The following ANTXR2 variants were observed in gnomAD, a reference collection of about 807,000 sequenced individuals.
The protein encoded by ANTXR2 is ANTXR cell adhesion molecule 2.
Under a neutral mutation model 73.7 loss-of-function variants are expected in ANTXR2, and 44 were observed. The ratio of observed to expected loss-of-function variants is 0.60; its 90% CI spans 0.47 to 0.77. ANTXR2 has a LOEUF of 0.77. ANTXR2 is among the 30% of genes least tolerant of loss of function. The pLI is 0.00. For synonymous variants in ANTXR2, 217 were observed against 205.9 expected (o/e 1.05, Z -0.46); for missense variants, 604 against 592.5 (o/e 1.02, Z -0.20).
Position 79,992,830 on chromosome 4 carries a change from G to A in ANTXR2, c.1042-7967C>T, listed in dbSNP as rs182581536. 4.6e-3 allele frequency among the ~76,000 whole-genome samples: 696 copies of A among 152,086 alleles called. 10 individuals are homozygous for A. Among genetic ancestry groups the A allele is most frequent in the African/African-American group, 0.016 (660 of 41,518 alleles). ...TCTTCCCTGTTTCTTTCAAGTGAATGACTTTTTTCAGTTGCAACCTAAAAA... is the reference window on the plus strand; with the variant it reads ...TCTTCCCTGTTTCTTTCAAGTGAATAACTTTTTTCAGTTGCAACCTAAAAA... On this transcript the variant is annotated intron_variant, in intron 12 of 16. Coordinates refer to ENST00000403729, the MANE Select transcript of ANTXR2 (RefSeq NM_058172.6).
intron 5 of ANTXR2, 34 bp from the exon 6 acceptor site, chr4:80,055,252 A>G (rs1227254967): frequency 3.2e-6 from 5 of 1,550,444 alleles, no homozygotes; most frequent in Non-Finnish European, 4.4e-6. Context: ...AGAGAAAAAA[A>G]GAGAGGGGAG....
intron 11 of ANTXR2, among the ~76,000 whole-genome samples, chr4:80,017,008 G>T (rs574701222): frequency 2.6e-5 from 4 of 152,240 alleles, no homozygotes; most frequent in South Asian, 4.1e-4. Flanking sequence ...GCTGCTACTC[G>T]CAAAGTCTGT....
Position 80,054,371 on chromosome 4 carries a change from G to T in ANTXR2, c.556-19C>A. The T allele has an allele frequency of 6.4e-7, 1 of 1,551,404 alleles. No homozygotes were observed. The highest frequency in any genetic ancestry group is 1.2e-5 in the South Asian group (1 of 83,644). The stretch of plus-strand genomic sequence containing the variant: ...TTTCAAGCTTTAGAAAGAAGAGGAA[G>T]ACTTAATTAAGGAGTGGCTGACACA... On this transcript the variant is annotated intron_variant, in intron 6 of 16. Coordinates refer to ENST00000403729, the MANE Select transcript of ANTXR2 (RefSeq NM_058172.6).
intron 3 of ANTXR2, among the ~76,000 whole-genome samples, chr4:80,065,801 T>C (rs1300469398): frequency 6.6e-6 from 1 of 152,204 alleles, no homozygotes; most frequent in Non-Finnish European, 1.5e-5. Flanking sequence ...TTTACCAAGA[T>C]TGTGAAGAAT....
chr4:80,049,405 T>A (rs570712706), intron 7 of ANTXR2, among the ~76,000 whole-genome samples: 118 of 151,908 alleles, frequency 7.8e-4, no homozygotes, highest in African/African-American at 2.8e-3. Flanking sequence ...ACAAAAATAA[T>A]TTAACATTCC....
At chr4:80,068,918 G>C (rs1734651292) in intron 3 of ANTXR2, among the ~76,000 whole-genome samples, 1 of 152,144 alleles carries the variant, frequency 6.6e-6, no homozygotes, top group Non-Finnish European at 1.5e-5. Context: ...AGATTAAATA[G>C]ATAGGTAGAT....
chr4:79,981,515 G>T (rs1729888273), intron 14 of ANTXR2, among the ~76,000 whole-genome samples: 1 of 152,040 alleles, frequency 6.6e-6, no homozygotes, highest in African/African-American at 2.4e-5. Flanking sequence ...TGTATAAGGT[G>T]TGTGTCAAAC....
At chr4:80,068,839 A>G (rs986524632) in intron 3 of ANTXR2, among the ~76,000 whole-genome samples, 1 of 152,226 alleles carries the variant, frequency 6.6e-6, no homozygotes, top group Non-Finnish European at 1.5e-5. Flanking sequence ...TGTTTGAATG[A>G]CACAGAAATG....
intron 16 of ANTXR2, among the ~76,000 whole-genome samples, chr4:79,959,776 CA>C (rs1729076435): frequency 6.6e-6 from 1 of 152,122 alleles, no homozygotes; most frequent in South Asian, 2.1e-4. Context: ...GTAGTGACAA[CA>C]GGGGGTCAAA....
chr4:79,988,546 T>A (rs1177501153), intron 12 of ANTXR2, among the ~76,000 whole-genome samples: 1 of 151,820 alleles, frequency 6.6e-6, no homozygotes, highest in African/African-American at 2.4e-5. Flanking sequence ...CACACAATAA[T>A]AATGGGAGAC....
At chr4:79,998,105 T>C (rs1434362366) in intron 12 of ANTXR2, among the ~76,000 whole-genome samples, 2 of 151,958 alleles carry the variant, frequency 1.3e-5, no homozygotes, top group African/African-American at 4.8e-5. Flanking sequence ...TATTACTATT[T>C]AGAAAAGAAC....
At chr4:79,955,400 T>G (rs1420285568) in intron 16 of ANTXR2, among the ~76,000 whole-genome samples, 1 of 152,154 alleles carries the variant, frequency 6.6e-6, no homozygotes, top group East Asian at 1.9e-4. Context: ...TTTTTTAGTC[T>G]TATAGTAACT....
At chr4:80,015,121 A>C (rs532103857) in intron 11 of ANTXR2, among the ~76,000 whole-genome samples, 3 of 152,260 alleles carry the variant, frequency 2.0e-5, no homozygotes, top group African/African-American at 7.2e-5. Flanking sequence ...CAAAACTTAA[A>C]TTTTTACTTC....
chr4:80,029,773 C>T (rs894443307), intron 10 of ANTXR2, among the ~76,000 whole-genome samples: 6 of 151,506 alleles, frequency 4.0e-5, no homozygotes, highest in Admixed American at 1.3e-4. Context: ...GAAGAGCAAT[C>T]CAAGCAGAGG....
intron 12 of ANTXR2, among the ~76,000 whole-genome samples, chr4:79,993,473 T>C (rs1474048342): frequency 6.6e-6 from 1 of 151,842 alleles, no homozygotes; most frequent in East Asian, 1.9e-4. Context: ...TCAAGATTCT[T>C]TGGGCCTTAA....
At chr4:79,978,685 A>G (rs1366866604) in intron 14 of ANTXR2, among the ~76,000 whole-genome samples, 1 of 152,242 alleles carries the variant, frequency 6.6e-6, no homozygotes, top group Non-Finnish European at 1.5e-5. Flanking sequence ...CAGATGAGGC[A>G]CAGGGAGGTT....
intron 16 of ANTXR2, among the ~76,000 whole-genome samples, chr4:79,962,772 C>T (rs1228947288): frequency 6.6e-6 from 1 of 152,118 alleles, no homozygotes; most frequent in East Asian, 1.9e-4. Flanking sequence ...AGCTATATGG[C>T]ACAAAATATT....
At chr4:80,047,971 G>GGATGAAATCAAATTTA (rs1733599254) in intron 7 of ANTXR2, among the ~76,000 whole-genome samples, 1 of 151,438 alleles carries the variant, frequency 6.6e-6, no homozygotes, top group South Asian at 2.1e-4. Context: ...ATAAATATGA[G>GGATGAAATCAAATTTA]GATGAAATCA....
intron 11 of ANTXR2, among the ~76,000 whole-genome samples, chr4:80,015,897 AAAGGAAAGGAAAGGAAAGGAAAGG>A (rs1731826692): frequency 6.4e-5 from 5 of 77,832 alleles, no homozygotes; most frequent in African/African-American, 2.9e-4. Flanking sequence ...AAAGGAAAGG[AAAGGAAAGGAAAGGAAAGGAAAGG>A]AAAAAGGAAA....
Sources: gnomAD v4.1 joint callset for allele counts (sites outside exome capture counted in the v4.1 genomes callset) on GRCh38, gnomAD v4.1.1 for gene constraint, MANE v1.5 for transcripts, NCBI Gene and HGNC (gene_info 2026-07-23, HGNC 2026-07-21) for gene names.